The following PDE7A variants were observed in gnomAD, a reference collection of about 807,000 sequenced individuals.
PDE7A encodes the protein phosphodiesterase 7A.
A neutral mutation model predicts 64.3 loss-of-function variants in PDE7A; 39 were observed. That is an observed-to-expected ratio of 0.61 (90% CI 0.47 to 0.79). PDE7A has a LOEUF of 0.79. Ranked by LOEUF, PDE7A falls within the 30% of genes least tolerant of loss-of-function variation. PDE7A has a pLI of 0.00. For missense variants in PDE7A, 470 were observed against 582.8 expected (o/e 0.81, Z 1.99); for synonymous variants, 203 against 206.8 (o/e 0.98, Z 0.16).
At chr8:65,776,169 C>G (rs1322593001) in intron 3 of PDE7A, among the ~76,000 whole-genome samples, 1 of 151,952 alleles carries the variant, frequency 6.6e-6, no homozygotes, top group African/African-American at 2.4e-5. Flanking sequence ...TGAACAGGGT[C>G]CAAGATTCAC....
chr8:65,719,627 G>GT, intron 12 of PDE7A, 132 bp from the exon 13 acceptor site: 5 of 648,302 alleles, frequency 7.7e-6, no homozygotes, highest in Non-Finnish European at 1.4e-5. Context: ...AAAGATTCCT[G>GT]TGTATGTGTA....
At chr8:65,797,127 T>C (rs942947604) in intron 1 of PDE7A, among the ~76,000 whole-genome samples, 1 of 152,222 alleles carries the variant, frequency 6.6e-6, no homozygotes, top group African/African-American at 2.4e-5. Flanking sequence ...ATAGGATATA[T>C]GCATGATCCA....
downstream of PDE7A, chr8:65,723,622 C>T (rs1432570789): frequency 6.5e-7 from 1 of 1,539,474 alleles, no homozygotes; most frequent in Non-Finnish European, 8.7e-7. Context: ...TCTATATCTC[C>T]TATAAATTAA....
Position 65,717,956 on chromosome 8 carries a change from G to A in PDE7A, c.*1334C>T, listed in dbSNP as rs2129062528. 1 of 152,342 alleles carries A rather than the reference G, an allele frequency of 6.6e-6. No individual in the cohort carries two copies. The highest frequency in any genetic ancestry group is 6.5e-5 in the Admixed American group (1 of 15,308). 9.4% of individuals were successfully genotyped at this position (152,342 alleles called of 1,614,324 possible). On this transcript the variant is annotated 3_prime_UTR_variant, in exon 13 of 13. Transcript: ENST00000401827. ...TTAAAACAAATTACAAAAGTGGAAT[G>A]TTTGAAGTTTAAAATTAGTCCTTAT...
At chr8:65,828,357 T>C (rs1328584999) in intron 1 of PDE7A, among the ~76,000 whole-genome samples, 2 of 152,118 alleles carry the variant, frequency 1.3e-5, no homozygotes, top group Admixed American at 1.3e-4. Context: ...GGCATGCCAT[T>C]TTGCAACTAG....
chr8:65,792,414 C>A (rs551808285), intron 1 of PDE7A, among the ~76,000 whole-genome samples: 9 of 152,270 alleles, frequency 5.9e-5, no homozygotes, highest in Non-Finnish European at 1.3e-4. Flanking sequence ...GAGAAGTAAT[C>A]CAAGAGAAAA....
At chr8:65,775,181 A>G (rs1200574626) in intron 3 of PDE7A, among the ~76,000 whole-genome samples, 2 of 152,134 alleles carry the variant, frequency 1.3e-5, no homozygotes, top group East Asian at 3.8e-4. Flanking sequence ...GCTCCATTCA[A>G]TCTTTAAGTT....
intron 3 of PDE7A, among the ~76,000 whole-genome samples, chr8:65,766,715 ATT>A (rs1401673313): frequency 1.3e-5 from 2 of 152,120 alleles, no homozygotes; most frequent in African/African-American, 2.4e-5. Context: ...CCCATTGCTC[ATT>A]GTTATTAAGT....
At position 65,717,342 on chromosome 8, in the gene PDE7A, CCTTTT is replaced by C. The variant is rs764483166; in HGVS notation, c.*1943_*1947del. Among the ~76,000 whole-genome samples, 3 of 152,148 alleles carry C rather than the reference CCTTTT, an allele frequency of 2.0e-5. No individual in the cohort carries two copies. Among genetic ancestry groups the C allele is most frequent in the Non-Finnish European group, 4.4e-5 (3 of 68,040 alleles). On this transcript the variant is annotated 3_prime_UTR_variant, in exon 13 of 13. Transcript: ENST00000401827. ...ATATCAATCAAGTAGAGTGGAGTGG[CCTTTT>C]CTTATCACTTTAAAAAGGCCAATGA... is the stretch of plus-strand genomic sequence containing the variant.
chr8:65,761,605 G>T (rs1044303347), intron 3 of PDE7A, among the ~76,000 whole-genome samples: 15 of 152,138 alleles, frequency 9.9e-5, no homozygotes, highest in Non-Finnish European at 1.6e-4. Context: ...TGGCTTTGCT[G>T]GCTCTTTTCT....
chr8:65,812,393 A>G (rs1810278094), intron 1 of PDE7A, among the ~76,000 whole-genome samples: 1 of 152,204 alleles, frequency 6.6e-6, no homozygotes, highest in Admixed American at 6.5e-5. Context: ...TTATACCACA[A>G]TAAATTCCAG....
intron 7 of PDE7A, among the ~76,000 whole-genome samples, chr8:65,733,699 T>C (rs1807000123): frequency 6.6e-6 from 1 of 152,194 alleles, no homozygotes; most frequent in African/African-American, 2.4e-5. Flanking sequence ...ACTGTATTAC[T>C]GCATGTAAGT....
chr8:65,752,099 T>C (rs2128908981), intron 3 of PDE7A, among the ~76,000 whole-genome samples: 1 of 152,376 alleles, frequency 6.6e-6, no homozygotes, highest in South Asian at 2.1e-4. Context: ...ATTTGTCAGC[T>C]TGAGATATCA....
intron 12 of PDE7A, chr8:65,720,405 C>A (rs1806324900): frequency 1.3e-5 from 2 of 154,136 alleles, no homozygotes; most frequent in Non-Finnish European, 2.9e-5. Context: ...ATATCCAAGA[C>A]TCTCGTTGCA....
chr8:65,736,869 T>A (rs1807161716), intron 6 of PDE7A, among the ~76,000 whole-genome samples: 1 of 146,760 alleles, frequency 6.8e-6, no homozygotes, highest in Non-Finnish European at 1.5e-5. Flanking sequence ...CATTTGGCTG[T>A]ACATTCTTGG....
intron 3 of PDE7A, among the ~76,000 whole-genome samples, chr8:65,765,262 G>C (rs1051147919): frequency 6.6e-6 from 1 of 151,796 alleles, no homozygotes; most frequent in South Asian, 2.1e-4. Flanking sequence ...GGCCGAGGCG[G>C]GCGGATCACG....
chr8:65,825,822 G>C (rs1810658833), intron 1 of PDE7A, among the ~76,000 whole-genome samples: 1 of 152,238 alleles, frequency 6.6e-6, no homozygotes, highest in African/African-American at 2.4e-5. Context: ...CAGGACTCCT[G>C]TTGGCTGACC....
rs1460807265 is a variant in PDE7A, at chr8:65,714,358, T to C, written c.*4932A>G. On this transcript the variant is annotated 3_prime_UTR_variant, in exon 13 of 13. Transcript: ENST00000401827. ...ATTAATTTGTTCAACAAACGTTTATTAATGGCCCAATGTACACCAGCCCTA... is the reference window on the plus strand; with the variant it reads ...ATTAATTTGTTCAACAAACGTTTATCAATGGCCCAATGTACACCAGCCCTA... 1 of 151,986 alleles carries C rather than the reference T, an allele frequency of 6.6e-6. No homozygotes were observed. Among genetic ancestry groups the C allele is most frequent in the Admixed American group, 6.6e-5 (1 of 15,258 alleles). The allele number at this position is 151,986 out of a possible 1,614,324, so 9.4% of individuals were successfully genotyped here.
intron 3 of PDE7A, among the ~76,000 whole-genome samples, chr8:65,766,433 A>C (rs1052127240): frequency 5.3e-5 from 8 of 152,216 alleles, no homozygotes; most frequent in Non-Finnish European, 1.0e-4. Flanking sequence ...GAAACTAAAC[A>C]AGGAGCCTCC....
Sources: gnomAD v4.1 joint callset for allele counts (sites outside exome capture counted in the v4.1 genomes callset) on GRCh38, gnomAD v4.1.1 for gene constraint, MANE v1.5 for transcripts, NCBI Gene and HGNC (gene_info 2026-07-23, HGNC 2026-07-21) for gene names.